The following GABRG2 variants were observed in gnomAD, a reference collection of about 807,000 sequenced individuals.
GABRG2 encodes gamma-aminobutyric acid type A receptor subunit gamma2, also known as gamma-aminobutyric acid receptor subunit gamma-2.
A neutral mutation model predicts 56.4 loss-of-function variants in GABRG2; 16 were observed. The ratio of observed to expected loss-of-function variants is 0.28; its 90% confidence interval spans 0.19 to 0.43. The LOEUF (loss-of-function observed/expected upper bound fraction) is 0.43, where lower values mean the gene tolerates loss of function less well. GABRG2 is among the 20% of genes least tolerant of loss of function. The pLI is 1.00. For synonymous variants in GABRG2, 208 were observed against 205.5 expected (o/e 1.01, Z -0.10); for missense variants, 327 against 582.7 (o/e 0.56, Z 4.52).
intron 1 of GABRG2, among the ~76,000 whole-genome samples, chr5:162,072,445 ATTGT>A (rs1319480605): frequency 2.0e-5 from 3 of 152,022 alleles, no homozygotes; most frequent in Non-Finnish European, 2.9e-5. Context: ...TAGTTTGGAG[ATTGT>A]TTGACCACTG....
intron 6 of GABRG2, among the ~76,000 whole-genome samples, chr5:162,124,558 TTTTG>T (rs540576007): frequency 9.2e-5 from 14 of 151,622 alleles, no homozygotes; most frequent in African/African-American, 2.2e-4. Context: ...TGTTTTTTGA[TTTTG>T]TTTGTTTGTT....
At chr5:162,094,122 G>A in intron 2 of GABRG2, 143 bp downstream of exon 2, 1 of 873,446 alleles carries the variant, frequency 1.1e-6, no homozygotes, top group African/African-American at 1.7e-5. Context: ...TGTTTAAATA[G>A]CATTCAGGCC....
chr5:162,072,325 T>C (rs1357256551), intron 1 of GABRG2, among the ~76,000 whole-genome samples: 1 of 152,020 alleles, frequency 6.6e-6, no homozygotes, highest in African/African-American at 2.4e-5. Context: ...CTTTTCAGTT[T>C]AGGTACAAGT....
At chr5:162,095,453 G>T in intron 2 of GABRG2, 42 bp from the exon 3 acceptor site, 2 of 1,164,452 alleles carry the variant, frequency 1.7e-6, no homozygotes. Context: ...TTAAAATCTT[G>T]CACCTCTCTA....
chr5:162,103,584 C>G (rs540004066), intron 5 of GABRG2: 16 of 377,150 alleles, frequency 4.2e-5, no homozygotes, highest in African/African-American at 2.7e-4. Context: ...ACTTGGTATG[C>G]ACTATTCCAG....
chr5:162,109,600 G>A (rs1394885077), intron 6 of GABRG2, among the ~76,000 whole-genome samples: 27 of 151,186 alleles, frequency 1.8e-4, no homozygotes, highest in African/African-American at 6.1e-4. Flanking sequence ...CCTGGTGGCT[G>A]ACTTAAAGGT....
chr5:162,089,480 G>A (rs1177017082), intron 1 of GABRG2, among the ~76,000 whole-genome samples: 20 of 152,154 alleles, frequency 1.3e-4, no homozygotes, highest in Admixed American at 1.2e-3. Flanking sequence ...AAAGGTCAAA[G>A]ATATCATTTT....
intron 1 of GABRG2, among the ~76,000 whole-genome samples, chr5:162,084,009 A>G (rs1045904905): frequency 2.6e-5 from 4 of 151,892 alleles, no homozygotes; most frequent in African/African-American, 7.2e-5. Context: ...CTGCAAATAA[A>G]TTCAATGGTA....
intron 6 of GABRG2, among the ~76,000 whole-genome samples, chr5:162,128,601 C>T (rs896832686): frequency 2.6e-5 from 4 of 151,932 alleles, no homozygotes; most frequent in African/African-American, 9.7e-5. Flanking sequence ...GCTCCTTCCT[C>T]TCCTCTCCTC....
At chr5:162,117,054 G>T (rs1762671191) in intron 6 of GABRG2, among the ~76,000 whole-genome samples, 1 of 152,182 alleles carries the variant, frequency 6.6e-6, no homozygotes, top group Admixed American at 6.6e-5. Context: ...CTCAAAAAGA[G>T]ATTGTTTTGG....
intron 4 of GABRG2, chr5:162,098,160 C>T: frequency 2.5e-6 from 1 of 403,226 alleles, no homozygotes; most frequent in Non-Finnish European, 4.5e-6. Flanking sequence ...GACCTTTGCA[C>T]CTACGCTTTG....
rs1212889493 is a variant in GABRG2 at position 162,154,626 on chromosome 5, A to C, written c.*1258A>C. ...CCTTTTAAAACAATATTTATGTCCT[A>C]TGTTTGTGTATAGACATGACTCTAC... is the stretch of plus-strand genomic sequence containing the variant. On this transcript the variant is annotated 3_prime_UTR_variant, in exon 10 of 10. Transcript: ENST00000639213. The C allele has an allele frequency of 6.6e-6, 1 of 152,114 alleles. No homozygotes were observed. Among genetic ancestry groups the C allele is most frequent in the East Asian group, 1.9e-4 (1 of 5,194 alleles). The allele number at this position is 152,114 out of a possible 1,614,324, so 9.4% of individuals were successfully genotyped here. A position where few individuals can be genotyped will look rare whatever the true frequency, so the allele number is the denominator to read the frequency against.
chr5:162,103,990 C>T lies in GABRG2; in HGVS notation c.733C>T (p.Leu245=). The T allele has an allele frequency of 6.2e-7, 1 of 1,613,886 alleles. No homozygotes were observed. Among genetic ancestry groups the T allele is most frequent in the South Asian group, 1.1e-5 (1 of 91,066 alleles). ...WRLYQFSFVG[L]RNTTEVVKTT... ...GCTTTATCAATTCTCATTTGTTGGT[C>T]TAAGAAATACCACCGAAGTAGTGAA... Residue 245 remains leucine (L), a synonymous_variant, in exon 6 of 10, where the codon CTA becomes TTA. Transcript: ENST00000639213.
At chr5:162,108,467 T>G (rs1761995627) in intron 6 of GABRG2, among the ~76,000 whole-genome samples, 1 of 152,228 alleles carries the variant, frequency 6.6e-6, no homozygotes, top group African/African-American at 2.4e-5. Flanking sequence ...TTTGAATGAC[T>G]TCTTAATGCA....
chr5:162,068,162 G>T, intron 1 of GABRG2, 56 bp downstream of exon 1: 2 of 1,247,926 alleles, frequency 1.6e-6, no homozygotes, highest in Non-Finnish European at 2.4e-6. Flanking sequence ...GGGAAGGTGT[G>T]GGGAGGGGTA....
chr5:162,088,700 T>C lies in GABRG2; in HGVS notation c.108-5128T>C, dbSNP rs373769965. Among the ~76,000 whole-genome samples the C allele has an allele frequency of 2.6e-5, 4 of 152,134 alleles. No individual in the cohort carries two copies. In the East Asian group the frequency reaches 5.8e-4, roughly 22 times the overall value. On this transcript the variant is annotated intron_variant, in intron 1 of 9. Transcript: ENST00000639213. The stretch of plus-strand genomic sequence containing the variant: ...AGCTGTAGATTCTTTGGTCCTAATT[T>C]CTTTCTCAAAGCCGTGAAGAATAAT...
At chr5:162,144,365 C>A (rs1004652178) in intron 7 of GABRG2, among the ~76,000 whole-genome samples, 4 of 152,174 alleles carry the variant, frequency 2.6e-5, no homozygotes, top group Non-Finnish European at 5.9e-5. Context: ...GCCAAAATCT[C>A]TCTCATGACT....
At chr5:162,125,011 T>C (rs1288990029) in intron 6 of GABRG2, among the ~76,000 whole-genome samples, 1 of 150,780 alleles carries the variant, frequency 6.6e-6, no homozygotes, top group Non-Finnish European at 1.5e-5. Flanking sequence ...CAACTAAGCA[T>C]ATCAAAAACA....
intron 1 of GABRG2, among the ~76,000 whole-genome samples, chr5:162,075,801 T>A (rs957211956): frequency 1.3e-5 from 2 of 152,082 alleles, no homozygotes; most frequent in African/African-American, 4.8e-5. Flanking sequence ...CACAGCATAG[T>A]ATACTTGTTA....
Sources: allele counts gnomAD v4.1 joint callset (sites outside exome capture counted in the v4.1 genomes callset), GRCh38; gene constraint gnomAD v4.1.1; transcripts MANE v1.5; gene names NCBI Gene and HGNC (gene_info 2026-07-23, HGNC 2026-07-21).